MTMR3: variants seen among roughly 807,000 people sequenced by gnomAD.
MTMR3 encodes myotubularin related protein 3.
A neutral mutation model predicts 132.4 loss-of-function variants in MTMR3; 32 were observed. The observed-to-expected ratio is 0.24, with a 90% CI of 0.18 to 0.32. The LOEUF (loss-of-function observed/expected upper bound fraction) is 0.32. MTMR3 is among the 10% of genes least tolerant of loss of function. The pLI is 1.00. For missense variants in MTMR3, 1,216 were observed against 1,489.6 expected (o/e 0.82, Z 3.02); for synonymous variants, 556 against 550.3 (o/e 1.01, Z -0.14).
At chr22:29,923,952 A>C (rs1174996624) in intron 1 of MTMR3, among the ~76,000 whole-genome samples, 1 of 152,142 alleles carries the variant, frequency 6.6e-6, no homozygotes, top group East Asian at 1.9e-4. Flanking sequence ...TCCTTAACAG[A>C]TATGTAATTT....
At chr22:29,969,177 AATTTCT>A (rs1177164006) in intron 2 of MTMR3, among the ~76,000 whole-genome samples, 1 of 152,166 alleles carries the variant, frequency 6.6e-6, no homozygotes, top group Non-Finnish European at 1.5e-5. Flanking sequence ...TGGAAACTTT[AATTTCT>A]TGTTCCTTGT....
At chr22:29,916,655 C>T (rs2065314242) in intron 1 of MTMR3, among the ~76,000 whole-genome samples, 1 of 152,214 alleles carries the variant, frequency 6.6e-6, no homozygotes, top group South Asian at 2.1e-4. Context: ...TCAAGTTACT[C>T]CATCATGGTA....
chr22:29,977,159 G>A (rs1449854743), intron 3 of MTMR3, among the ~76,000 whole-genome samples: 3 of 152,132 alleles, frequency 2.0e-5, no homozygotes, highest in African/African-American at 4.8e-5. Context: ...TGGCATGGTG[G>A]TGGGCGCCTG....
rs144500027 is a variant in MTMR3 at position 29,908,412 on chromosome 22, C to T, written c.-138+25053C>T. 7.2e-5 allele frequency among the ~76,000 whole-genome samples: 11 copies of T among 152,302 alleles called. No homozygotes were observed. The South Asian group carries it at 2.3e-3, about 32-fold the overall frequency. ...TTCAGTTTTGAGGAACAGACCCTTTCCTTACTAGCATTGCACACTTTAGGA... is the reference window on the plus strand; with the variant it reads ...TTCAGTTTTGAGGAACAGACCCTTTTCTTACTAGCATTGCACACTTTAGGA... On this transcript the variant is annotated intron_variant, in intron 1 of 19. Transcript: ENST00000401950.
intron 2 of MTMR3, among the ~76,000 whole-genome samples, chr22:29,970,644 G>A (rs1261094899): frequency 6.6e-6 from 1 of 151,556 alleles, no homozygotes; most frequent in Non-Finnish European, 1.5e-5. Context: ...TGGCCTGTAG[G>A]TTGATTTTAA....
chr22:30,020,973 G>C, intron 17 of MTMR3, 89 bp downstream of exon 17: 2 of 1,288,294 alleles, frequency 1.6e-6, no homozygotes, highest in Non-Finnish European at 1.1e-6. Flanking sequence ...ATGGTGATTG[G>C]TACAGGTTGT....
chr22:29,927,461 C>T (rs576121627), intron 1 of MTMR3, among the ~76,000 whole-genome samples: 2 of 152,128 alleles, frequency 1.3e-5, no homozygotes, highest in East Asian at 3.8e-4. Context: ...AAAAGGTTAT[C>T]TTTAGATCAG....
At chr22:29,980,646 T>C (rs1285758611) in intron 5 of MTMR3, 1 of 152,260 alleles carries the variant, frequency 6.6e-6, no homozygotes, top group Non-Finnish European at 1.5e-5. Flanking sequence ...GTGAGAATGA[T>C]AGTTTCATAT....
chr22:29,965,324 T>G (rs1182214535), intron 2 of MTMR3, among the ~76,000 whole-genome samples: 1 of 152,122 alleles, frequency 6.6e-6, no homozygotes, highest in African/African-American at 2.4e-5. Context: ...AGGCCTTATT[T>G]CTGGGTGAAG....
chr22:29,936,411 C>T (rs1169278511), intron 1 of MTMR3, among the ~76,000 whole-genome samples: 2 of 152,172 alleles, frequency 1.3e-5, no homozygotes, highest in Non-Finnish European at 2.9e-5. Context: ...ACAACATAAA[C>T]TTACAGCTCA....
At position 30,013,484 on chromosome 22, in the gene MTMR3, T is replaced by C; in HGVS notation, c.1446T>C (p.Cys482=). ...RCPVFLQWLD[C]VHQLQRQFPC... ...CAGTGTTTCTGCAGTGGCTTGACTG[T>C]GTTCATCAGCTTCAGAGGCAATTTC... Residue 482 remains cysteine, a synonymous_variant, in exon 14 of 20, where the codon TGT becomes TGC. Coordinates refer to ENST00000401950, the MANE Select transcript of MTMR3 (RefSeq NM_021090.4). 6.2e-7 allele frequency: 1 copy of C among 1,614,118 alleles called. No individual in the cohort carries two copies.
chr22:29,883,958 C>T (rs1451202925), intron 1 of MTMR3, among the ~76,000 whole-genome samples: 1 of 152,326 alleles, frequency 6.6e-6, no homozygotes, highest in East Asian at 1.9e-4. Flanking sequence ...CCTGGTCAGA[C>T]TGCTCCGCAA....
intron 17 of MTMR3, chr22:30,021,175 C>T (rs1209058912): frequency 2.3e-6 from 1 of 435,780 alleles, no homozygotes; most frequent in African/African-American, 2.0e-5. Context: ...GATCATAAGT[C>T]TTCAGAAGGG....
chr22:30,019,325 T>C, intron 16 of MTMR3, 155 bp from the exon 17 acceptor site: 1 of 696,940 alleles, frequency 1.4e-6, no homozygotes, highest in Non-Finnish European at 2.3e-6. Context: ...GCTTTGCTGC[T>C]CCAGCAGTCT....
At chr22:29,950,865 A>G (rs999004183) in intron 1 of MTMR3, among the ~76,000 whole-genome samples, 17 of 137,378 alleles carry the variant, frequency 1.2e-4, no homozygotes, top group Non-Finnish European at 2.5e-4. Context: ...TTAAAAGTAT[A>G]AAGTGGGCCG....
chr22:29,971,809 G>C (rs978616890), intron 3 of MTMR3, among the ~76,000 whole-genome samples: 2 of 152,012 alleles, frequency 1.3e-5, no homozygotes, highest in African/African-American at 4.8e-5. Flanking sequence ...TCAATCCTGA[G>C]GAAATGTAAA....
At chr22:29,937,143 T>G (rs192164630) in intron 1 of MTMR3, among the ~76,000 whole-genome samples, 1 of 152,314 alleles carries the variant, frequency 6.6e-6, no homozygotes, top group Non-Finnish European at 1.5e-5. Flanking sequence ...CTAGTAATGT[T>G]AAGCTTCATT....
intron 12 of MTMR3, chr22:30,011,251 C>G (rs1429046914): frequency 1.3e-5 from 2 of 152,226 alleles, no homozygotes; most frequent in Non-Finnish European, 2.9e-5. Flanking sequence ...GAAAAATCAA[C>G]TCCTTTTTAG....
intron 5 of MTMR3, chr22:29,981,506 C>T (rs1436631926): frequency 6.6e-6 from 1 of 152,056 alleles, no homozygotes; most frequent in Non-Finnish European, 1.5e-5. Flanking sequence ...AGCATCATAA[C>T]CCTCTAAGGC....
Sources: gnomAD v4.1 joint callset for allele counts (sites outside exome capture counted in the v4.1 genomes callset) on GRCh38, gnomAD v4.1.1 for gene constraint, MANE v1.5 for transcripts, NCBI Gene and HGNC (gene_info 2026-07-23, HGNC 2026-07-21) for gene names.